The following B4GALNT1 variants were observed in gnomAD, a reference collection of about 807,000 sequenced individuals.
The protein encoded by B4GALNT1 is beta-1,4-N-acetyl-galactosaminyltransferase 1.
In B4GALNT1, 43 loss-of-function variants were observed where a neutral mutation model predicts 55.2. The observed-to-expected ratio is 0.78, with a 90% confidence interval of 0.61 to 1.00. B4GALNT1 has a LOEUF of 1.00. Among genes scored for constraint, B4GALNT1 ranks in the 50% least tolerant of loss-of-function variants. The pLI, the probability that B4GALNT1 is intolerant of heterozygous loss-of-function variation, is 0.00. For synonymous variants in B4GALNT1, 305 were observed against 311.6 expected (o/e 0.98, Z 0.22); for missense variants, 664 against 729.7 (o/e 0.91, Z 1.04).
intron 10 of B4GALNT1, among the ~76,000 whole-genome samples, chr12:57,627,286 T>C (rs1884881994): frequency 6.6e-6 from 1 of 151,794 alleles, no homozygotes; most frequent in African/African-American, 2.4e-5. Flanking sequence ...GGGAAGCTTA[T>C]GGGGGCCCAG....
In B4GALNT1 at chr12:57,632,103, A is replaced by G. The variant is rs1378256517; in HGVS notation, c.30T>C (p.Ala10=). ...AGGCGCAGGCGAGCAGAAGGACCAG[A>G]GCGCACAGGGCCCGGCGGCCCAGCC... MWLGRRALC[A]LVLLLACASL... is the part of the protein sequence containing the mutation. Residue 10 remains alanine, a synonymous_variant, in exon 2 of 11, where the codon GCT becomes GCC. Coordinates refer to ENST00000341156, the MANE Select transcript of B4GALNT1 (RefSeq NM_001478.5). The G allele has an allele frequency of 2.0e-6, 3 of 1,478,752 alleles. No individual in the cohort carries two copies. The Admixed American group carries it at 7.7e-5, about 38-fold the overall frequency. 91.6% of individuals were successfully genotyped at this position (1,478,752 alleles called of 1,614,324 possible).
chr12:57,624,222 CA>C lies in B4GALNT1; in HGVS notation c.*2521del. On this transcript the variant is annotated 3_prime_UTR_variant, in exon 11 of 11. Transcript: ENST00000341156. ...GCAACCCACCCACTCCCCCAGCAAA[CA>C]TAACTCCTAGTATGCTTTACTCACA... 1 of 878,072 alleles carries C rather than the reference CA, an allele frequency of 1.1e-6. No homozygotes were observed. Among genetic ancestry groups the C allele is most frequent in the Non-Finnish European group, 1.8e-6 (1 of 559,446 alleles). 54.4% of individuals were successfully genotyped at this position (878,072 alleles called of 1,614,324 possible). A position where few individuals can be genotyped will look rare whatever the true frequency, so the allele number is the denominator to read the frequency against.
chr12:57,624,992 CTTGGTT>C lies in B4GALNT1; in HGVS notation c.*1746_*1751del. ...CGGAGAAGGAGAAAAGGTGAAGGAG[CTTGGTT>C]TAGGAGGGATGTGGATCCTCAGGGA... On this transcript the variant is annotated 3_prime_UTR_variant, in exon 11 of 11. Transcript: ENST00000341156. 1 of 1,613,996 alleles carries C rather than the reference CTTGGTT, an allele frequency of 6.2e-7. No individual in the cohort carries two copies. Among genetic ancestry groups the C allele is most frequent in the South Asian group, 1.1e-5 (1 of 91,074 alleles).
Position 57,629,210 on chromosome 12 carries a change from C to T in B4GALNT1, c.713-64G>A, listed in dbSNP as rs372921180. ...GGATAACATTCTGTTTTCAGCCAAT[C>T]AATATTTAAGTGCCTACTCTGTGTC... is the stretch of plus-strand genomic sequence containing the variant. On this transcript the variant is annotated intron_variant, in intron 6 of 10. Transcript: ENST00000341156. 5.8e-6 allele frequency: 8 copies of T among 1,390,154 alleles called. No individual in the cohort carries two copies. In the African/African-American group the frequency reaches 1.0e-4, roughly 18 times the overall value. 86.1% of individuals were successfully genotyped at this position (1,390,154 alleles called of 1,614,324 possible). A position where few individuals can be genotyped will look rare whatever the true frequency, so the allele number is the denominator to read the frequency against.
rs1240838392 is a variant in B4GALNT1, at chr12:57,628,047, C to A, written c.1143+75G>T. On this transcript the variant is annotated intron_variant, in intron 9 of 10. Transcript: ENST00000341156. ...TTGTCCTAGGGCTGGCCGTTCCTGG[C>A]CGCAGCGCCCCCGCTGTGGCCTTAG... The A allele has an allele frequency of 4.4e-6, 7 of 1,580,172 alleles. No homozygotes were observed. The Admixed American group carries it at 6.9e-5, about 16-fold the overall frequency.
At chr12:57,629,278 C>T in intron 6 of B4GALNT1, 132 bp from the exon 7 acceptor site, 5 of 686,012 alleles carry the variant, frequency 7.3e-6, no homozygotes, top group Non-Finnish European at 1.1e-5. Flanking sequence ...AAGGTTCTTA[C>T]CTTTATGGAA....
chr12:57,630,937 C>T, intron 4 of B4GALNT1, 43 bp downstream of exon 4: 1 of 1,562,452 alleles, frequency 6.4e-7, no homozygotes, highest in Non-Finnish European at 8.8e-7. Context: ...GCTCTGCCAC[C>T]CCCACTGTGG....
chr12:57,631,383 G>A lies in B4GALNT1; in HGVS notation c.219-19C>T. The A allele has an allele frequency of 1.2e-6, 2 of 1,613,692 alleles. No homozygotes were observed. The highest frequency in any genetic ancestry group is 2.2e-5 in the South Asian group (2 of 90,982). The stretch of plus-strand genomic sequence containing the variant: ...CAGCAGCCTGAAGGGGGTAGGTAGT[G>A]AGGGTCATCAGAGCCCAGCTACACA... On this transcript the variant is annotated intron_variant, in intron 2 of 10. Coordinates refer to ENST00000341156, the MANE Select transcript of B4GALNT1 (RefSeq NM_001478.5).
In B4GALNT1 at chr12:57,623,645, A is replaced by C. The variant is rs1884601061; in HGVS notation, c.*3099T>G. On this transcript the variant is annotated 3_prime_UTR_variant, in exon 11 of 11. Transcript: ENST00000341156. ...ACAAGGAGACTGGTGAATAATGGGC[A>C]TTTAATTAATTGGGGGGAGCGGGAG... 6.9e-6 allele frequency: 4 copies of C among 578,414 alleles called. No homozygotes were observed. The highest frequency in any genetic ancestry group is 2.9e-5 in the East Asian group (1 of 33,924). The allele number at this position is 578,414 out of a possible 1,614,324, so 35.8% of individuals were successfully genotyped here.
Position 57,632,106 on chromosome 12 carries a change from G to A in B4GALNT1, c.27C>T (p.Cys9=). ...CGCAGGCGAGCAGAAGGACCAGAGC[G>A]CACAGGGCCCGGCGGCCCAGCCACA... is the stretch of plus-strand genomic sequence containing the variant. MWLGRRAL[C]ALVLLLACAS... Residue 9 remains cysteine (C), a synonymous_variant, in exon 2 of 11, where the codon TGC becomes TGT. Transcript: ENST00000341156. 1.3e-6 allele frequency: 2 copies of A among 1,487,644 alleles called. No homozygotes were observed. Among genetic ancestry groups the A allele is most frequent in the Admixed American group, 2.5e-5 (1 of 40,604 alleles). 92.2% of individuals were successfully genotyped at this position (1,487,644 alleles called of 1,614,324 possible).
In B4GALNT1 at chr12:57,624,111, A is replaced by G; in HGVS notation, c.*2633T>C. On this transcript the variant is annotated 3_prime_UTR_variant, in exon 11 of 11. Transcript: ENST00000341156. Reference sequence around the variant, plus strand: ...CCGAGTGGACTTTGTGAGAAATGCCATTACCCCCAGATTGCCCCCTCTCAT... The same window carrying G: ...CCGAGTGGACTTTGTGAGAAATGCCGTTACCCCCAGATTGCCCCCTCTCAT... The G allele has an allele frequency of 6.2e-7, 1 of 1,613,386 alleles. No homozygotes were observed. Among genetic ancestry groups the G allele is most frequent in the East Asian group, 2.2e-5 (1 of 44,870 alleles).
At chr12:57,630,061 C>A (rs778913615) in intron 6 of B4GALNT1, 91 bp downstream of exon 6, 86 of 1,604,520 alleles carry the variant, frequency 5.4e-5, no homozygotes, top group Middle Eastern at 1.6e-4. Context: ...AGCCCAGATG[C>A]CTCCCATGCC....
At chr12:57,632,324 AG>A (rs1885279929) in intron 1 of B4GALNT1, 191 bp from the exon 2 acceptor site, 1 of 704,572 alleles carries the variant, frequency 1.4e-6, no homozygotes, top group Non-Finnish European at 2.6e-6. Context: ...CCCAGGCCCC[AG>A]GGTCTCCCGG....
Position 57,623,725 on chromosome 12 carries a change from G to T in B4GALNT1, c.*3019C>A. On this transcript the variant is annotated 3_prime_UTR_variant, in exon 11 of 11. Coordinates refer to ENST00000341156, the MANE Select transcript of B4GALNT1 (RefSeq NM_001478.5). ...AGGGGGTTGTGTGGAAGGAGATTTG[G>T]GAGAAGGGAGACTTCCGAGGAAGAT... The T allele has an allele frequency of 1.1e-6, 1 of 879,750 alleles. No homozygotes were observed. 54.5% of individuals were successfully genotyped at this position (879,750 alleles called of 1,614,324 possible).
Position 57,631,958 on chromosome 12 carries a change from G to T in B4GALNT1, c.175C>A (p.Arg59Ser), listed in dbSNP as rs1417779034. The change falls in exon 2 of 11, where the codon CGC becomes AGC. Residue 59 changes from arginine to serine, a missense_variant. Physicochemically the swap from Arg to Ser is moderately radical, Grantham distance 110. Transcript: ENST00000341156. ...PELPDLAPEP[R>S]YAHIPVRIKE... ...ATCCTGACCGGGATGTGTGCGTAGC[G>T]GGGCTCAGGAGCAAGATCTGGCAGC... 2.8e-6 allele frequency: 4 copies of T among 1,453,928 alleles called. No homozygotes were observed. The African/African-American group carries it at 4.4e-5, about 16-fold the overall frequency. 90.1% of individuals were successfully genotyped at this position (1,453,928 alleles called of 1,614,324 possible).
intron 8 of B4GALNT1, 81 bp from the exon 9 acceptor site, chr12:57,628,343 C>G (rs1483921035): frequency 1.3e-6 from 2 of 1,583,966 alleles, no homozygotes; most frequent in East Asian, 4.5e-5. Context: ...CTCCCCCGAC[C>G]CTTCTCAGCT....
intron 1 of B4GALNT1, 125 bp from the exon 2 acceptor site, chr12:57,632,258 T>C (rs1885273764): frequency 1.1e-6 from 1 of 947,366 alleles, no homozygotes; most frequent in Non-Finnish European, 1.7e-6. Flanking sequence ...ACTCCACACA[T>C]CGCGCTAGGG....
Position 57,627,649 on chromosome 12 carries a change from G to C in B4GALNT1, c.1353C>G (p.Phe451Leu). The C allele has an allele frequency of 6.2e-7, 1 of 1,601,768 alleles. No individual in the cohort carries two copies. Among genetic ancestry groups the C allele is most frequent in the Non-Finnish European group, 8.5e-7 (1 of 1,171,480 alleles). Residue 451 changes from phenylalanine to leucine, a missense_variant, in exon 10 of 11, where the codon TTC becomes TTG. Physicochemically the swap from Phe to Leu is conservative, Grantham distance 22. Transcript: ENST00000341156. ...GAGCCACGCGGCTGAGGCGGGGGTCGAAACCGACCTCGCGCACCTTGTCAG... is the reference window on the plus strand; with the variant it reads ...GAGCCACGCGGCTGAGGCGGGGGTCCAAACCGACCTCGCGCACCTTGTCAG... ...ARTDKVREVG[F>L]DPRLSRVAHL...
Position 57,626,822 on chromosome 12 carries a change from T to C in B4GALNT1, c.1524A>G (p.Gly508=), listed in dbSNP as rs1275313858. The C allele has an allele frequency of 6.2e-7, 1 of 1,614,204 alleles. No individual in the cohort carries two copies. The highest frequency in any genetic ancestry group is 1.1e-5 in the South Asian group (1 of 91,084). ...TGGCCATCTGGCTCTCGTCCAGTGATCCTGGGTAACGGTACCGGGCGTAAG... is the reference window on the plus strand; with the variant it reads ...TGGCCATCTGGCTCTCGTCCAGTGACCCTGGGTAACGGTACCGGGCGTAAG... ...AETYARYRYP[G]SLDESQMAKH... is the part of the protein sequence containing the mutation. Residue 508 remains glycine, a synonymous_variant, in exon 11 of 11, where the codon GGA becomes GGG. Transcript: ENST00000341156.
Sources: gnomAD v4.1 joint callset for allele counts (sites outside exome capture counted in the v4.1 genomes callset) on GRCh38, gnomAD v4.1.1 for gene constraint, MANE v1.5 for transcripts, NCBI Gene and HGNC (gene_info 2026-07-23, HGNC 2026-07-21) for gene names.